Variants in PTDSS2 observed in about 807,000 individuals in gnomAD.
The protein encoded by PTDSS2 is PSS-2.
A neutral mutation model predicts 64.7 loss-of-function variants in PTDSS2; 41 were observed. The ratio of observed to expected loss-of-function variants is 0.63; its 90% CI spans 0.49 to 0.82. The LOEUF is 0.82. Among genes scored for constraint, PTDSS2 ranks in the 40% least tolerant of loss-of-function variants. The probability of loss-of-function intolerance (pLI) is 0.00; values close to 1 mark genes in which losing one functional copy is unlikely to be tolerated. For missense variants in PTDSS2, 485 were observed against 650.0 expected, an observed-to-expected ratio of 0.75 and a Z score of 2.76; for synonymous variants, 297 against 277.8, an observed-to-expected ratio of 1.07 and a Z score of -0.69.
rs1177339210 is a variant in PTDSS2 at position 476,999 on chromosome 11, C to T, written c.368-2086C>T. Among the ~76,000 whole-genome samples the T allele has an allele frequency of 6.6e-6, 1 of 152,080 alleles. No homozygotes were observed. The highest frequency in any genetic ancestry group is 1.5e-5 in the Non-Finnish European group (1 of 68,022). ...CATTGAAGTGGACAAGTGATGAGTC[C>T]TGTGCAGCGGAGGCTCTGGGTGGGG... On this transcript the variant is annotated intron_variant, in intron 3 of 11. Transcript: ENST00000308020. This position sits in a 1 kb window ranked among gnomAD's most constrained non-coding sequence, Gnocchi z 4.9.
intron 2 of PTDSS2, among the ~76,000 whole-genome samples, chr11:472,102 G>A (rs1847490860): frequency 6.6e-6 from 1 of 150,866 alleles, no homozygotes; most frequent in Admixed American, 6.6e-5. Flanking sequence ...ATGGTAGCCT[G>A]GGGTGACGCG....
In PTDSS2 at chr11:470,099, C is replaced by G. The variant is rs1431601744; in HGVS notation, c.285-3796C>G. Among the ~76,000 whole-genome samples the G allele has an allele frequency of 6.6e-6, 1 of 152,154 alleles. No individual in the cohort carries two copies. Among genetic ancestry groups the G allele is most frequent in the Non-Finnish European group, 1.5e-5 (1 of 68,012 alleles). ...CCCATTCCAGGAGCTGGCGTGAGCTCCCGGCACCGCTGTGCGCTGCGCGTG... is the reference window on the plus strand; with the variant it reads ...CCCATTCCAGGAGCTGGCGTGAGCTGCCGGCACCGCTGTGCGCTGCGCGTG... On this transcript the variant is annotated intron_variant, in intron 2 of 11. Transcript: ENST00000308020. This position sits in a 1 kb window ranked among gnomAD's most constrained non-coding sequence, Gnocchi z 5.3.
At chr11:450,693 G>A (rs967495977) in intron 1 of PTDSS2, 56 bp downstream of exon 1, 2 of 1,226,496 alleles carry the variant, frequency 1.6e-6, no homozygotes, top group Non-Finnish European at 2.1e-6. Context: ...TGGGGGTTCC[G>A]GCACCGCTGG....
chr11:450,081 T>A (rs1846244815), upstream of PTDSS2, among the ~76,000 whole-genome samples: 1 of 152,048 alleles, frequency 6.6e-6, no homozygotes, highest in Non-Finnish European at 1.5e-5. Flanking sequence ...CCGCCGGGGA[T>A]GTCTGTGGTT....
intron 1 of PTDSS2, among the ~76,000 whole-genome samples, chr11:457,990 C>G (rs957789611): frequency 6.6e-6 from 1 of 152,134 alleles, no homozygotes; most frequent in African/African-American, 2.4e-5. Context: ...ATTTGTGATG[C>G]TTTTAATTTC....
At chr11:450,688 GT>G in intron 1 of PTDSS2, 51 bp downstream of exon 1, 1 of 1,232,708 alleles carries the variant, frequency 8.1e-7, no homozygotes, top group Non-Finnish European at 1.0e-6. Context: ...CGACCTGGGG[GT>G]TCCGGCACCG....
At chr11:471,270 T>C (rs1847414768) in intron 2 of PTDSS2, among the ~76,000 whole-genome samples, 1 of 152,004 alleles carries the variant, frequency 6.6e-6, no homozygotes, top group Admixed American at 6.6e-5. Context: ...TAATTTCTTA[T>C]ATTTTTAGTA....
intron 6 of PTDSS2, among the ~76,000 whole-genome samples, chr11:487,672 G>A (rs185620476): frequency 1.1e-4 from 16 of 152,286 alleles, no homozygotes; most frequent in African/African-American, 3.9e-4. Flanking sequence ...TCCCCGCTCC[G>A]TCCTCAGGGT....
chr11:486,860 T>G (rs1366213517), intron 4 of PTDSS2, 79 bp from the exon 5 acceptor site: 4 of 1,502,144 alleles, frequency 2.7e-6, no homozygotes, highest in Non-Finnish European at 3.6e-6. Flanking sequence ...AAAAATAAAA[T>G]AAATAAACAA....
chr11:469,788 C>A (rs1170469461), intron 2 of PTDSS2, among the ~76,000 whole-genome samples: 2 of 152,040 alleles, frequency 1.3e-5, no homozygotes, highest in Non-Finnish European at 2.9e-5. Context: ...GGAGAAATGG[C>A]TGATTCCAGC....
At chr11:475,344 TTG>T (rs1847736772) in intron 3 of PTDSS2, among the ~76,000 whole-genome samples, 4 of 151,944 alleles carry the variant, frequency 2.6e-5, no homozygotes, top group African/African-American at 9.7e-5. Flanking sequence ...ATTCACGCGT[TTG>T]TGTGTAGGAC....
chr11:485,700 CTG>C, intron 4 of PTDSS2, among the ~76,000 whole-genome samples: 1 of 111,970 alleles, frequency 8.9e-6, no homozygotes, highest in Non-Finnish European at 1.9e-5. Context: ...TGTGTGCTCA[CTG>C]CGCAGGCGAG....
At chr11:473,231 G>A (rs771009598) in intron 2 of PTDSS2, among the ~76,000 whole-genome samples, 34 of 152,216 alleles carry the variant, frequency 2.2e-4, no homozygotes, top group Non-Finnish European at 3.8e-4. Flanking sequence ...CCTCCTTCCC[G>A]TGAACCTGCA....
At chr11:466,401 CTTTTTTT>C (rs1226254389) in intron 2 of PTDSS2, among the ~76,000 whole-genome samples, 3 of 120,800 alleles carry the variant, frequency 2.5e-5, no homozygotes, top group South Asian at 2.8e-4. Context: ...AACTGCCACT[CTTTTTTT>C]TTTTTTTTTT....
chr11:487,137 C>A, intron 5 of PTDSS2, 64 bp downstream of exon 5: 1 of 1,458,770 alleles, frequency 6.9e-7, no homozygotes, highest in South Asian at 1.2e-5. Context: ...GGACCAGGCG[C>A]CATCCACGCT....
intron 3 of PTDSS2, among the ~76,000 whole-genome samples, chr11:477,157 G>A (rs1038550042): frequency 6.6e-6 from 1 of 152,202 alleles, no homozygotes; most frequent in Non-Finnish European, 1.5e-5. Context: ...GGCCTCATGA[G>A]GAGGAGTGGA....
intron 2 of PTDSS2, chr11:463,984 CT>C (rs879444829): frequency 6.7e-5 from 10 of 148,638 alleles, no homozygotes; most frequent in Non-Finnish European, 7.5e-5. Flanking sequence ...TTTTCTTTTT[CT>C]TTTTTTTTTC....
At chr11:451,410 C>G (rs950909225) in intron 1 of PTDSS2, 1 of 448,446 alleles carries the variant, frequency 2.2e-6, no homozygotes, top group Non-Finnish European at 4.5e-6. Flanking sequence ...GGCCCTTTGC[C>G]GATGCTCCTC....
rs368975489 is a variant in PTDSS2, at chr11:486,919, C to G, written c.436-20C>G. 6.3e-7 allele frequency: 1 copy of G among 1,595,926 alleles called. No homozygotes were observed. The highest frequency in any genetic ancestry group is 1.7e-5 in the Admixed American group (1 of 57,308). On this transcript the variant is annotated intron_variant, in intron 4 of 11. Coordinates refer to ENST00000308020, the MANE Select transcript of PTDSS2 (RefSeq NM_030783.3). ...CCACCACTAACTGTAGCCCCGCTGA[C>G]GGGGGCACTGGCCTTGCAGACTGTC...
Sources: allele counts gnomAD v4.1 joint callset (sites outside exome capture counted in the v4.1 genomes callset), GRCh38; gene constraint gnomAD v4.1.1; non-coding constraint Gnocchi (gnomAD v3.1); transcripts MANE v1.5; gene names NCBI Gene and HGNC (gene_info 2026-07-23, HGNC 2026-07-21).